PTPRN2: variants seen among roughly 807,000 people sequenced by gnomAD.
The protein encoded by PTPRN2 is protein tyrosine phosphatase receptor type N2, also known as receptor-type tyrosine-protein phosphatase N2.
In PTPRN2, 74 loss-of-function variants were observed where a neutral mutation model predicts 118.8. The observed-to-expected ratio is 0.62, with a 90% confidence interval of 0.52 to 0.76. The LOEUF is 0.76. Ranked by LOEUF, PTPRN2 falls within the 30% of genes least tolerant of loss-of-function variation. The pLI is 0.00. For synonymous variants in PTPRN2, 641 were observed against 608.0 expected (o/e 1.05, Z -0.80); for missense variants, 1,481 against 1,394.4 (o/e 1.06, Z -0.99).
rs1180669269 is a variant in PTPRN2, at chr7:157,977,668, G to A, written c.1724-78931C>T. On this transcript the variant is annotated intron_variant, in intron 11 of 22. Coordinates refer to ENST00000389418, the MANE Select transcript of PTPRN2 (RefSeq NM_002847.5). This position sits in a 1 kb window ranked among gnomAD's most constrained non-coding sequence, Gnocchi z 4.6. The stretch of plus-strand genomic sequence containing the variant: ...GGGATGAATTGAGCATGTTCAGGGA[G>A]CAGAGAGAATGCTGCTCTGTCCAGT... Among the ~76,000 whole-genome samples the A allele has an allele frequency of 1.3e-5, 2 of 151,770 alleles. No individual in the cohort carries two copies. Among genetic ancestry groups the A allele is most frequent in the Non-Finnish European group, 1.5e-5 (1 of 67,898 alleles).
chr7:157,777,317 C>A (rs944520314), intron 12 of PTPRN2, among the ~76,000 whole-genome samples: 12 of 150,158 alleles, frequency 8.0e-5, no homozygotes, highest in South Asian at 7.4e-4. Context: ...TGCACTGTGA[C>A]TTCCTGATGC....
chr7:157,574,902 C>G (rs1014884085), intron 19 of PTPRN2, among the ~76,000 whole-genome samples: 1 of 152,228 alleles, frequency 6.6e-6, no homozygotes, highest in African/African-American at 2.4e-5. Context: ...AAACGCTGGG[C>G]GGTGCCAGGT....
intron 2 of PTPRN2, among the ~76,000 whole-genome samples, chr7:158,395,606 GAGGCGCGAGGGGCC>G (rs1812360870): frequency 1.0e-5 from 1 of 99,214 alleles, no homozygotes; most frequent in Non-Finnish European, 2.0e-5. Flanking sequence ...GGTGAGGGGT[GAGGCGCGAGGGGCC>G]AGGGGCGAGG....
intron 2 of PTPRN2, among the ~76,000 whole-genome samples, chr7:158,340,696 A>T (rs375117756): frequency 2.0e-5 from 1 of 48,896 alleles, no homozygotes; most frequent in African/African-American, 9.0e-5. Flanking sequence ...TAAGAGGTGA[A>T]ACCTGCAGAC....
In PTPRN2 at chr7:158,290,527, G is replaced by A. The variant is rs371094207; in HGVS notation, c.277+26292C>T. ...GTATTGGGGCAGGCCTGAAGCCTCC[G>A]TCCTTGGGTACCAGCCTGGAGTAGG... On this transcript the variant is annotated intron_variant, in intron 3 of 22. Coordinates refer to ENST00000389418, the MANE Select transcript of PTPRN2 (RefSeq NM_002847.5). 1.7e-4 allele frequency among the ~76,000 whole-genome samples: 26 copies of A among 152,266 alleles called. 1 individual carries two copies. Among genetic ancestry groups the A allele is most frequent in the Admixed American group, 5.2e-4 (8 of 15,300 alleles).
At chr7:157,968,850 A>G (rs1430913333) in intron 11 of PTPRN2, among the ~76,000 whole-genome samples, 1 of 152,238 alleles carries the variant, frequency 6.6e-6, no homozygotes, top group East Asian at 1.9e-4. Flanking sequence ...TAGATGGGAT[A>G]TATGGGAACT....
chr7:158,147,462 C>T (rs1585620431), intron 6 of PTPRN2, among the ~76,000 whole-genome samples: 1 of 80,556 alleles, frequency 1.2e-5, no homozygotes, highest in South Asian at 5.6e-4. Context: ...CACCCCATCT[C>T]ACACCACGTG....
intron 12 of PTPRN2, among the ~76,000 whole-genome samples, chr7:157,827,480 G>C (rs1807258335): frequency 6.6e-6 from 1 of 152,238 alleles, no homozygotes; most frequent in African/African-American, 2.4e-5. Flanking sequence ...GGGGGCCTGA[G>C]AAAGCGTTCG....
chr7:158,108,501 C>T (rs1815881735), intron 10 of PTPRN2, among the ~76,000 whole-genome samples: 1 of 152,198 alleles, frequency 6.6e-6, no homozygotes. Context: ...GAAACCCCAG[C>T]AGCCCTGGCA....
chr7:158,520,973 C>G (rs947288986), intron 1 of PTPRN2, among the ~76,000 whole-genome samples: 1 of 152,144 alleles, frequency 6.6e-6, no homozygotes, highest in African/African-American at 2.4e-5. Context: ...CTCAGCCAGC[C>G]AAGGAACAGG....
chr7:158,404,772 G>A (rs35954466), intron 2 of PTPRN2, among the ~76,000 whole-genome samples: 43,839 of 96,266 alleles, frequency 0.46, 9,829 homozygotes, highest in East Asian at 0.74. Flanking sequence ...TCAGCTCCCC[G>A]GCCCCCAGCT....
In PTPRN2 at chr7:158,103,600, G is replaced by A. The variant is rs548706911; in HGVS notation, c.1643+7229C>T. Among the ~76,000 whole-genome samples, 11 of 152,330 alleles carry A rather than the reference G, an allele frequency of 7.2e-5. No homozygotes were observed. In the South Asian group the frequency reaches 2.3e-3, roughly 32 times the overall value. ...ATGTCTGAGGTCACTGGCAGTTCCA[G>A]AACCTTCTCTAGCACTGTCCGATTT... On this transcript the variant is annotated intron_variant, in intron 10 of 22. Coordinates refer to ENST00000389418, the MANE Select transcript of PTPRN2 (RefSeq NM_002847.5).
At chr7:158,399,211 AAT>A (rs1477041426) in intron 2 of PTPRN2, among the ~76,000 whole-genome samples, 1 of 152,224 alleles carries the variant, frequency 6.6e-6, no homozygotes, top group African/African-American at 2.4e-5. Flanking sequence ...GCTCATATTT[AAT>A]AAGGGGCACA....
At chr7:158,140,780 G>A (rs908700756) in intron 6 of PTPRN2, among the ~76,000 whole-genome samples, 20 of 152,190 alleles carry the variant, frequency 1.3e-4, no homozygotes, top group African/African-American at 4.3e-4. Flanking sequence ...GTCCACCTGC[G>A]GTCTGCGCAT....
chr7:157,873,247 C>T (rs374308230), intron 12 of PTPRN2, among the ~76,000 whole-genome samples: 88 of 152,362 alleles, frequency 5.8e-4, no homozygotes, highest in Middle Eastern at 3.4e-3. Context: ...CCGCCACCAG[C>T]GAGTGCTGAG....
At chr7:158,492,011 T>C (rs118023943) in intron 1 of PTPRN2, among the ~76,000 whole-genome samples, 1,604 of 152,072 alleles carry the variant, frequency 0.011, 16 homozygotes, top group Non-Finnish European at 0.018. Context: ...CTTGAAAAGG[T>C]CAGCATGGAG....
At chr7:157,599,455 G>T (rs1464501739) in intron 16 of PTPRN2, among the ~76,000 whole-genome samples, 1 of 152,182 alleles carries the variant, frequency 6.6e-6, no homozygotes, top group Non-Finnish European at 1.5e-5. Context: ...TGTAAAGATG[G>T]CCTAGTGATG....
intron 11 of PTPRN2, among the ~76,000 whole-genome samples, chr7:157,928,000 G>A (rs1171736604): frequency 6.6e-6 from 1 of 152,208 alleles, no homozygotes; most frequent in Non-Finnish European, 1.5e-5. Context: ...GTGGAGCTCT[G>A]TGGGCAATGG....
chr7:158,441,384 G>C (rs897346367), intron 2 of PTPRN2, among the ~76,000 whole-genome samples: 8 of 149,926 alleles, frequency 5.3e-5, no homozygotes, highest in Non-Finnish European at 1.0e-4. Flanking sequence ...CAGTGGTGGT[G>C]GTGGTGATAA....
Sources: allele counts gnomAD v4.1 joint callset (sites outside exome capture counted in the v4.1 genomes callset), GRCh38; gene constraint gnomAD v4.1.1; non-coding constraint Gnocchi (gnomAD v3.1); transcripts MANE v1.5; gene names NCBI Gene and HGNC (gene_info 2026-07-23, HGNC 2026-07-21).